Variants in CNBD1 observed in about 807,000 individuals in gnomAD.
CNBD1 encodes the protein cyclic nucleotide binding domain containing 1, also known as cyclic nucleotide-binding domain-containing protein 1.
CNBD1 carries 71 observed loss-of-function variants against 54.4 expected under a neutral mutation model. That is an observed-to-expected ratio of 1.30 (90% confidence interval 1.08 to 1.59). The LOEUF is 1.59. Ranked by LOEUF, CNBD1 falls within the 40% of genes most tolerant of loss-of-function variation. CNBD1 has a pLI of 0.00. For missense variants in CNBD1, 659 were observed against 518.0 expected (o/e 1.27, Z -2.64); for synonymous variants, 182 against 170.7 (o/e 1.07, Z -0.51).
intron 8 of CNBD1, among the ~76,000 whole-genome samples, chr8:87,318,163 C>G (rs1809439731): frequency 6.8e-6 from 1 of 147,090 alleles, no homozygotes; most frequent in Admixed American, 6.9e-5. Flanking sequence ...TCTTCTGATT[C>G]TAATATCTCT....
chr8:87,123,019 A>C (rs924677519), intron 4 of CNBD1, among the ~76,000 whole-genome samples: 5 of 151,724 alleles, frequency 3.3e-5, no homozygotes, highest in Non-Finnish European at 7.4e-5. Flanking sequence ...GATTGCTTTG[A>C]CTTCAGGACC....
At chr8:86,878,133 G>A (rs976215588) in intron 1 of CNBD1, among the ~76,000 whole-genome samples, 7 of 139,868 alleles carry the variant, frequency 5.0e-5, no homozygotes, top group East Asian at 2.2e-4. Context: ...AGAGAGAGAC[G>A]GAGAAGCACA....
At chr8:87,121,805 T>G (rs781363282) in intron 4 of CNBD1, among the ~76,000 whole-genome samples, 5 of 151,756 alleles carry the variant, frequency 3.3e-5, no homozygotes, top group Non-Finnish European at 7.4e-5. Context: ...TTTATAATAA[T>G]GTCTTCCAGA....
chr8:87,204,059 T>C (rs1177922704), intron 4 of CNBD1, among the ~76,000 whole-genome samples: 2 of 152,116 alleles, frequency 1.3e-5, no homozygotes, highest in Non-Finnish European at 2.9e-5. Context: ...GTTGGACAAA[T>C]GTAAGAACAC....
At chr8:87,086,414 G>T (rs745414234) in intron 4 of CNBD1, among the ~76,000 whole-genome samples, 10 of 152,144 alleles carry the variant, frequency 6.6e-5, no homozygotes, top group Non-Finnish European at 1.5e-4. Context: ...TTTTCTGATT[G>T]TTAGAAGGTG....
At chr8:87,021,932 A>T (rs1160676625) in intron 4 of CNBD1, among the ~76,000 whole-genome samples, 1 of 152,234 alleles carries the variant, frequency 6.6e-6, no homozygotes, top group Non-Finnish European at 1.5e-5. Context: ...ACACAAATAT[A>T]CATTTTTAAT....
intron 4 of CNBD1, among the ~76,000 whole-genome samples, chr8:87,120,746 G>A (rs114290847): frequency 1.8e-3 from 272 of 151,826 alleles, no homozygotes; most frequent in African/African-American, 6.4e-3. Context: ...CACAGGTTTT[G>A]TTATGCTGTT....
intron 4 of CNBD1, among the ~76,000 whole-genome samples, chr8:87,023,833 T>C (rs1268453860): frequency 1.3e-5 from 2 of 152,224 alleles, no homozygotes; most frequent in African/African-American, 2.4e-5. Flanking sequence ...GTTATTTGAG[T>C]TACATGGTTT....
At chr8:87,095,711 G>A (rs1811303203) in intron 4 of CNBD1, among the ~76,000 whole-genome samples, 1 of 152,160 alleles carries the variant, frequency 6.6e-6, no homozygotes, top group African/African-American at 2.4e-5. Context: ...AGGCTGGAGA[G>A]CCGTGGCACG....
chr8:87,095,166 C>T (rs978623572), intron 4 of CNBD1, among the ~76,000 whole-genome samples: 8 of 152,198 alleles, frequency 5.3e-5, no homozygotes, highest in African/African-American at 1.2e-4. Flanking sequence ...AGGTTAATTA[C>T]GTTTTCTACA....
At chr8:87,422,112 T>G (rs1229410931) in intron 2 of CNBD1, among the ~76,000 whole-genome samples, 13 of 147,148 alleles carry the variant, frequency 8.8e-5, no homozygotes, top group Admixed American at 7.4e-4. Context: ...ACCCACTTTT[T>G]GATGGGGCTG....
intron 1 of CNBD1, among the ~76,000 whole-genome samples, chr8:86,882,264 G>C (rs993095355): frequency 6.6e-6 from 1 of 152,118 alleles, no homozygotes; most frequent in African/African-American, 2.4e-5. Flanking sequence ...GAAAAATTTT[G>C]CAAACTATGC....
intron 8 of CNBD1, among the ~76,000 whole-genome samples, chr8:87,309,912 T>G (rs1338613082): frequency 6.6e-6 from 1 of 152,156 alleles, no homozygotes; most frequent in Non-Finnish European, 1.5e-5. Context: ...TCTTCATGGA[T>G]GAAATGATTC....
chr8:87,002,503 A>G (rs1809013515), intron 4 of CNBD1, among the ~76,000 whole-genome samples: 1 of 151,950 alleles, frequency 6.6e-6, no homozygotes. Flanking sequence ...CCTTCATTCT[A>G]TTCCAGGCAT....
chr8:87,064,772 G>A (rs894617335), intron 4 of CNBD1, among the ~76,000 whole-genome samples: 10 of 151,838 alleles, frequency 6.6e-5, no homozygotes, highest in African/African-American at 2.4e-4. Context: ...TAGTGTAGGT[G>A]CCATATTATT....
intron 4 of CNBD1, among the ~76,000 whole-genome samples, chr8:87,200,884 A>G (rs1488058356): frequency 6.6e-6 from 1 of 151,714 alleles, no homozygotes; most frequent in Non-Finnish European, 1.5e-5. Context: ...AAAGGGAGAA[A>G]CACATCCCAA....
At chr8:87,094,401 TA>T (rs1338039640) in intron 4 of CNBD1, among the ~76,000 whole-genome samples, 5 of 151,498 alleles carry the variant, frequency 3.3e-5, no homozygotes, top group African/African-American at 1.2e-4. Context: ...TTTGTATTAT[TA>T]TTTTTTTAAC....
chr8:87,087,668 G>T (rs183819109), intron 4 of CNBD1, among the ~76,000 whole-genome samples: 1 of 151,710 alleles, frequency 6.6e-6, no homozygotes. Context: ...GGGTTTCACC[G>T]TGTTATCCAG....
chr8:87,318,295 G>T (rs1809443309), intron 8 of CNBD1, among the ~76,000 whole-genome samples: 1 of 151,838 alleles, frequency 6.6e-6, no homozygotes, highest in Admixed American at 6.6e-5. Flanking sequence ...TTACTTTGTT[G>T]GGTGCTGGAT....
Sources: allele counts gnomAD v4.1 joint callset (sites outside exome capture counted in the v4.1 genomes callset), GRCh38; gene constraint gnomAD v4.1.1; transcripts MANE v1.5; gene names NCBI Gene and HGNC (gene_info 2026-07-23, HGNC 2026-07-21).